Variants in PBRM1 observed in about 807,000 individuals in gnomAD.
PBRM1 encodes protein polybromo-1.
A neutral mutation model predicts 194.5 loss-of-function variants in PBRM1; 27 were observed. The ratio of observed to expected loss-of-function variants is 0.14; its 90% CI spans 0.10 to 0.19. The LOEUF (loss-of-function observed/expected upper bound fraction) is 0.19. PBRM1 is among the 10% of genes least tolerant of loss of function. The pLI, the probability that PBRM1 is intolerant of heterozygous loss-of-function variation, is 1.00. For missense variants in PBRM1, 1,466 were observed against 2,077.2 expected, an observed-to-expected ratio of 0.71 and a Z score of 5.72; for synonymous variants, 655 against 693.2, an observed-to-expected ratio of 0.94 and a Z score of 0.87.
chr3:52,681,694 C>G, upstream of PBRM1: 1 of 1,011,654 alleles, frequency 9.9e-7, no homozygotes, highest in Non-Finnish European at 1.2e-6. Context: ...CAGTAATTTA[C>G]CAGCTTTACC....
exon 6 of PBRM1, chr3:52,651,805 A>G (rs1205619697): frequency 6.2e-7 from 1 of 1,600,636 alleles, no homozygotes. Flanking sequence ...AATAATCTGG[A>G]TATTGCTGGA....
chr3:52,645,453 G>A (rs568556320), intron 7 of PBRM1, among the ~76,000 whole-genome samples: 1 of 150,670 alleles, frequency 6.6e-6, no homozygotes, highest in Admixed American at 6.6e-5. Context: ...CTAAACCAGA[G>A]TGCCCAGCTG....
exon 21 of PBRM1, chr3:52,579,177 T>A (rs1458775323): frequency 6.2e-7 from 1 of 1,614,066 alleles, no homozygotes. Context: ...ATTGGACATT[T>A]CCACAGGGAC....
chr3:52,657,019 T>C (rs1199636722), intron 5 of PBRM1, among the ~76,000 whole-genome samples: 1 of 152,240 alleles, frequency 6.6e-6, no homozygotes, highest in Non-Finnish European at 1.5e-5. Context: ...AGATGAATCC[T>C]GAACATATGC....
At chr3:52,578,936 A>G (rs1041393188) in intron 21 of PBRM1, 118 bp downstream of exon 23, 1 of 894,378 alleles carries the variant, frequency 1.1e-6, no homozygotes. Flanking sequence ...TGGTGTGAGA[A>G]GAAGCTGGAG....
rs1255558043 is a variant in PBRM1 at position 52,581,401 on chromosome 3, T to TGGGAC, written c.3388-2203_3388-2202insGTCCC. On this transcript the variant is annotated intron_variant, in intron 20 of 29. Transcript: ENST00000296302. ...GGTGCGCGCCTGTAGTCCCAGGAAC[T>TGGGAC]TGGGAAACTGAGACACAAGAATTGC... Among the ~76,000 whole-genome samples, 10 of 151,930 alleles carry TGGGAC rather than the reference T, an allele frequency of 6.6e-5. No homozygotes were observed. In the East Asian group the frequency reaches 1.9e-3, roughly 30 times the overall value.
At chr3:52,585,265 C>T (rs1172734019) in intron 20 of PBRM1, among the ~76,000 whole-genome samples, 1 of 152,066 alleles carries the variant, frequency 6.6e-6, no homozygotes, top group East Asian at 1.9e-4. Context: ...TCTTGTTCTC[C>T]CTGCTCTGAA....
At chr3:52,565,232 G>A (rs1470148178) in intron 22 of PBRM1, among the ~76,000 whole-genome samples, 1 of 151,530 alleles carries the variant, frequency 6.6e-6, no homozygotes, top group Non-Finnish European at 1.5e-5. Context: ...TGGGCTGGGT[G>A]CAGTGGCTCA....
At chr3:52,553,640 C>A (rs1453609799) in intron 27 of PBRM1, among the ~76,000 whole-genome samples, 2 of 151,016 alleles carry the variant, frequency 1.3e-5, no homozygotes, top group African/African-American at 4.9e-5. Context: ...CAGGCACATG[C>A]CACCACACCT....
intron 2 of PBRM1, among the ~76,000 whole-genome samples, chr3:52,676,114 C>CAAAA (rs1019237005): frequency 3.9e-4 from 2 of 5,116 alleles, no homozygotes; most frequent in African/African-American, 2.3e-3. Flanking sequence ...GACTCCGTCT[C>CAAAA]AAAAAAAAAA....
intron 22 of PBRM1, among the ~76,000 whole-genome samples, chr3:52,570,296 C>T (rs2086643504): frequency 1.3e-5 from 2 of 152,062 alleles, no homozygotes; most frequent in Admixed American, 6.6e-5. Context: ...CTATTTTGCT[C>T]TTGACCTTAA....
upstream of PBRM1, among the ~76,000 whole-genome samples, chr3:52,683,571 T>C (rs148388677): frequency 9.3e-5 from 14 of 151,166 alleles, no homozygotes; most frequent in East Asian, 2.6e-3. Flanking sequence ...CCCAGCAATT[T>C]AGGAGGCTGA....
chr3:52,672,123 C>G (rs1462370585), intron 2 of PBRM1, among the ~76,000 whole-genome samples: 2 of 152,190 alleles, frequency 1.3e-5, no homozygotes, highest in Non-Finnish European at 2.9e-5. Flanking sequence ...TACGGAGCAT[C>G]TAGCGAAAAA....
chr3:52,653,660 C>T (rs1465042085), intron 5 of PBRM1, among the ~76,000 whole-genome samples: 1 of 151,600 alleles, frequency 6.6e-6, no homozygotes, highest in East Asian at 1.9e-4. Flanking sequence ...GCCTGTAATC[C>T]CTGCACTTCG....
intron 22 of PBRM1, among the ~76,000 whole-genome samples, chr3:52,569,033 C>T (rs760371712): frequency 6.6e-6 from 1 of 152,022 alleles, no homozygotes; most frequent in Non-Finnish European, 1.5e-5. Context: ...GCTGGGACTA[C>T]AGACAAGTGC....
At chr3:52,658,235 G>A (rs766772588) in exon 5 of PBRM1, 1 of 1,610,806 alleles carries the variant, frequency 6.2e-7, no homozygotes, top group Non-Finnish European at 8.5e-7. Flanking sequence ...GTTCGCTAAT[G>A]AGACGTCCTG....
chr3:52,612,416 A>G (rs951847880), intron 15 of PBRM1, among the ~76,000 whole-genome samples: 1 of 152,092 alleles, frequency 6.6e-6, no homozygotes, highest in Non-Finnish European at 1.5e-5. Flanking sequence ...ACTTAATCTA[A>G]TCGCACCTTC....
At chr3:52,653,846 G>T (rs918297904) in intron 5 of PBRM1, among the ~76,000 whole-genome samples, 1 of 152,098 alleles carries the variant, frequency 6.6e-6, no homozygotes, top group Non-Finnish European at 1.5e-5. Context: ...GGAGGCAGAG[G>T]TTGCAGTGGG....
chr3:52,574,186 T>G (rs1339386962), intron 22 of PBRM1, among the ~76,000 whole-genome samples: 1 of 152,360 alleles, frequency 6.6e-6, no homozygotes, highest in East Asian at 1.9e-4. Context: ...GGTGCCAGCA[T>G]CTGGCAAGGG....
Sources: allele counts gnomAD v4.1 joint callset (sites outside exome capture counted in the v4.1 genomes callset), GRCh38; gene constraint gnomAD v4.1.1; transcripts MANE v1.5; gene names NCBI Gene and HGNC (gene_info 2026-07-23, HGNC 2026-07-21).